Variants in FAT3 observed in about 807,000 individuals in gnomAD.
FAT3 encodes the protein FAT atypical cadherin 3.
FAT3 carries 95 observed loss-of-function variants against 310.2 expected under a neutral mutation model. The observed-to-expected ratio is 0.31, with a 90% confidence interval of 0.26 to 0.36. The LOEUF (loss-of-function observed/expected upper bound fraction) is 0.36, where lower values mean the gene tolerates loss of function less well. Among genes scored for constraint, FAT3 ranks in the 10% least tolerant of loss-of-function variants. The pLI, the probability that FAT3 is intolerant of heterozygous loss-of-function variation, is 1.00. For missense variants in FAT3, 5,408 were observed against 5,715.6 expected, an observed-to-expected ratio of 0.95 and a Z score of 1.74; for synonymous variants, 2,314 against 2,192.9, an observed-to-expected ratio of 1.06 and a Z score of -1.54.
chr11:92,519,872 C>G (rs1218076780), intron 2 of FAT3, among the ~76,000 whole-genome samples: 1 of 152,112 alleles, frequency 6.6e-6, no homozygotes, highest in Non-Finnish European at 1.5e-5. Context: ...CATGCCAAGT[C>G]AGCCACAAGT....
intron 3 of FAT3, among the ~76,000 whole-genome samples, chr11:92,571,905 C>T (rs535423582): frequency 2.0e-5 from 3 of 152,320 alleles, no homozygotes; most frequent in Admixed American, 6.5e-5. Flanking sequence ...AGGGATGTAG[C>T]GTTTTTGCAC....
At chr11:92,259,054 T>G (rs1865433543) in intron 1 of FAT3, among the ~76,000 whole-genome samples, 1 of 151,950 alleles carries the variant, frequency 6.6e-6, no homozygotes, top group Non-Finnish European at 1.5e-5. Flanking sequence ...GAAAGAGCTA[T>G]GGCCAAGCTA....
chr11:92,383,687 C>G (rs1949554446), intron 2 of FAT3, among the ~76,000 whole-genome samples: 1 of 152,190 alleles, frequency 6.6e-6, no homozygotes, highest in South Asian at 2.1e-4. Context: ...TTTGGCTTGT[C>G]ATTTGGCCCA....
chr11:92,762,524 C>T (rs1468599968), intron 5 of FAT3, among the ~76,000 whole-genome samples: 1 of 152,134 alleles, frequency 6.6e-6, no homozygotes, highest in Non-Finnish European at 1.5e-5. Flanking sequence ...ACACATCCTA[C>T]CCACCACTGA....
At chr11:92,311,504 T>C (rs1947304205) in intron 1 of FAT3, among the ~76,000 whole-genome samples, 1 of 152,198 alleles carries the variant, frequency 6.6e-6, no homozygotes, top group African/African-American at 2.4e-5. Flanking sequence ...TTTTATTTAT[T>C]ACGTTATAGA....
chr11:92,259,025 G>A (rs890652259), intron 1 of FAT3, among the ~76,000 whole-genome samples: 3 of 151,864 alleles, frequency 2.0e-5, no homozygotes, highest in African/African-American at 7.3e-5. Flanking sequence ...GGGGGGCGGG[G>A]GTGGAAGTTG....
intron 2 of FAT3, among the ~76,000 whole-genome samples, chr11:92,409,280 G>A: frequency 1.3e-5 from 2 of 151,958 alleles, no homozygotes. Context: ...GTGTGTGTAT[G>A]TGTGTATATA....
chr11:92,580,892 A>G (rs1938756568), intron 3 of FAT3, among the ~76,000 whole-genome samples: 1 of 151,320 alleles, frequency 6.6e-6, no homozygotes, highest in Admixed American at 6.6e-5. Context: ...CCCTCTTTAA[A>G]CACCAGAGTT....
chr11:92,623,712 G>A (rs1199862045), intron 3 of FAT3, among the ~76,000 whole-genome samples: 2 of 152,164 alleles, frequency 1.3e-5, no homozygotes, highest in Non-Finnish European at 2.9e-5. Flanking sequence ...GGGAGGCCAA[G>A]GCGGGTGGAT....
chr11:92,747,942 C>T (rs1184030085), intron 4 of FAT3, among the ~76,000 whole-genome samples: 1 of 152,216 alleles, frequency 6.6e-6, no homozygotes, highest in East Asian at 1.9e-4. Flanking sequence ...CCACATTGTT[C>T]TCTCTTCTTC....
intron 5 of FAT3, among the ~76,000 whole-genome samples, chr11:92,762,919 A>C (rs1252824038): frequency 6.6e-6 from 1 of 152,106 alleles, no homozygotes; most frequent in Non-Finnish European, 1.5e-5. Context: ...GCACTTTGGG[A>C]GGCCGAGGCA....
At chr11:92,788,173 A>G (rs1045639897) in intron 7 of FAT3, among the ~76,000 whole-genome samples, 2 of 152,160 alleles carry the variant, frequency 1.3e-5, no homozygotes, top group Non-Finnish European at 2.9e-5. Flanking sequence ...AATTATCAGA[A>G]AGCAAGGAAG....
At chr11:92,791,299 A>G (rs946323763) in intron 8 of FAT3, among the ~76,000 whole-genome samples, 1 of 152,220 alleles carries the variant, frequency 6.6e-6, no homozygotes, top group African/African-American at 2.4e-5. Flanking sequence ...CCTGCACCCT[A>G]GGAGCTTACA....
chr11:92,406,746 A>G (rs567164943), intron 2 of FAT3: 1 of 152,314 alleles, frequency 6.6e-6, no homozygotes, highest in Admixed American at 6.5e-5. Flanking sequence ...CCTTTCCAGG[A>G]ACCAGTAACA....
chr11:92,408,418 C>T (rs535007602), intron 2 of FAT3, among the ~76,000 whole-genome samples: 17 of 152,192 alleles, frequency 1.1e-4, no homozygotes, highest in Non-Finnish European at 2.4e-4. Flanking sequence ...TCTTTCTCAA[C>T]TCAGCTTCTT....
Position 92,792,830 on chromosome 11 carries a change from G to A in FAT3, c.4675G>A (p.Ala1559Thr), listed in dbSNP as rs761579129. Residue 1559 changes from alanine (A) to threonine (T), a missense_variant, in exon 9 of 28, where the codon GCT becomes ACT. Around this residue, in one of 5 missense-constraint regions of FAT3, gnomAD observed 4,588 missense variants for 4,809.8 expected, o/e 0.95. Transcript: ENST00000525166. Reference protein sequence around the residue: ...LARVIVNVEDANDHSPYFTNP... With the variant: ...LARVIVNVEDTNDHSPYFTNP... ...CCGAGTCATTGTGAATGTGGAGGAT[G>A]CTAATGATCACAGTCCTTATTTTAC... 39 of 1,613,744 alleles carry A rather than the reference G, an allele frequency of 2.4e-5. No individual in the cohort carries two copies. The highest frequency in any genetic ancestry group is 1.6e-4 in the Middle Eastern group (1 of 6,080).
At chr11:92,642,104 G>T (rs1941986624) in intron 3 of FAT3, among the ~76,000 whole-genome samples, 1 of 152,168 alleles carries the variant, frequency 6.6e-6, no homozygotes. Flanking sequence ...CTGAAAAGGG[G>T]GGCTGTGGAT....
intron 3 of FAT3, among the ~76,000 whole-genome samples, chr11:92,540,525 G>T (rs1432442567): frequency 6.6e-6 from 1 of 152,142 alleles, no homozygotes; most frequent in African/African-American, 2.4e-5. Context: ...AGTAAGTGAG[G>T]CTTCTTTTCA....
chr11:92,704,368 AG>A (rs550857312), intron 4 of FAT3, among the ~76,000 whole-genome samples: 4 of 152,190 alleles, frequency 2.6e-5, no homozygotes, highest in Non-Finnish European at 5.9e-5. Context: ...GGTGGGTACC[AG>A]CTTGGACTCA....
Sources: allele counts gnomAD v4.1 joint callset (sites outside exome capture counted in the v4.1 genomes callset), GRCh38; gene constraint gnomAD v4.1.1; regional missense constraint gnomAD v4.1.1; transcripts MANE v1.5; gene names NCBI Gene and HGNC (gene_info 2026-07-23, HGNC 2026-07-21).